Variants in N4BP2 observed in about 807,000 individuals in gnomAD.
The protein encoded by N4BP2 is NEDD4 binding protein 2.
In N4BP2, 91 loss-of-function variants were observed where a neutral mutation model predicts 152.8. That is an observed-to-expected ratio of 0.60 (90% CI 0.50 to 0.71). The LOEUF is 0.71. Ranked by LOEUF, N4BP2 falls within the 30% of genes least tolerant of loss-of-function variation. N4BP2 has a pLI of 0.00. For synonymous variants in N4BP2, 646 were observed against 705.3 expected (o/e 0.92, Z 1.33); for missense variants, 1,923 against 2,059.1 (o/e 0.93, Z 1.28).
chr4:40,168,883 C>T, the N4BP2 span, among the ~76,000 whole-genome samples: 1 of 151,884 alleles, frequency 6.6e-6, no homozygotes, highest in South Asian at 2.1e-4. Context: ...CGCCACCACA[C>T]CCGGCTAATT....
intron 2 of N4BP2, among the ~76,000 whole-genome samples, chr4:40,079,913 A>G (rs966029844): frequency 6.6e-6 from 1 of 152,172 alleles, no homozygotes; most frequent in African/African-American, 2.4e-5. Flanking sequence ...TTAAAATTAT[A>G]TAATAGAGGT....
rs75313591 is a variant in N4BP2, at chr4:40,142,399, T to C, written c.4786-274T>C. 4.7e-4 allele frequency: 157 copies of C among 332,342 alleles called. No homozygotes were observed. In the East Asian group the frequency reaches 8.4e-3, roughly 18 times the overall value. 20.6% of individuals were successfully genotyped at this position (332,342 alleles called of 1,614,324 possible). On this transcript the variant is annotated intron_variant, in intron 14 of 17. Coordinates refer to ENST00000261435, the MANE Select transcript of N4BP2 (RefSeq NM_018177.6). Reference sequence around the variant, plus strand: ...TGAACTCGCCTCTTCCAACTCGGAGTTCAGTATCCCTAATTGTATTTTGAT... The same window carrying C: ...TGAACTCGCCTCTTCCAACTCGGAGCTCAGTATCCCTAATTGTATTTTGAT...
chr4:40,092,099 G>A (rs898460696), intron 2 of N4BP2, among the ~76,000 whole-genome samples: 14 of 136,350 alleles, frequency 1.0e-4, no homozygotes, highest in African/African-American at 3.8e-4. Flanking sequence ...CTGTAGTCAT[G>A]AGGAGTATTG....
intron 2 of N4BP2, among the ~76,000 whole-genome samples, chr4:40,079,361 C>T (rs942465994): frequency 1.3e-5 from 2 of 150,988 alleles, no homozygotes; most frequent in African/African-American, 2.4e-5. Context: ...AAATGATCCT[C>T]CTTCCTCGGC....
intron 6 of N4BP2, among the ~76,000 whole-genome samples, 188 bp from the exon 7 acceptor site, chr4:40,113,244 A>G (rs1279519350): frequency 6.6e-6 from 1 of 152,172 alleles, no homozygotes; most frequent in East Asian, 1.9e-4. Context: ...GCTCTTATAT[A>G]AGTATTTATC....
chr4:40,103,993 T>C (rs564580044), intron 4 of N4BP2, among the ~76,000 whole-genome samples: 34 of 152,216 alleles, frequency 2.2e-4, no homozygotes, highest in African/African-American at 8.2e-4. Context: ...CTTGCTCTGT[T>C]GCCCAGGCTG....
chr4:40,190,218 G>C, the N4BP2 span, among the ~76,000 whole-genome samples: 10 of 152,200 alleles, frequency 6.6e-5, no homozygotes, highest in African/African-American at 2.4e-4. Flanking sequence ...GTTCGCTGCT[G>C]TCTCCCTGGC....
intron 7 of N4BP2, among the ~76,000 whole-genome samples, chr4:40,116,572 T>C (rs1419329336): frequency 6.6e-6 from 1 of 152,228 alleles, no homozygotes; most frequent in Non-Finnish European, 1.5e-5. Context: ...TAAAACATTT[T>C]AATTCTGACA....
the N4BP2 span, among the ~76,000 whole-genome samples, chr4:40,170,778 C>T: frequency 6.6e-6 from 1 of 152,194 alleles, no homozygotes; most frequent in African/African-American, 2.4e-5. Context: ...TTCAATAGCT[C>T]TATCAGGTTA....
intron 1 of N4BP2, among the ~76,000 whole-genome samples, chr4:40,061,431 C>T (rs1002765237): frequency 2.6e-5 from 4 of 152,088 alleles, no homozygotes; most frequent in South Asian, 2.1e-4. Flanking sequence ...ATGGCATGAT[C>T]CCAGCTCACT....
intron 10 of N4BP2, among the ~76,000 whole-genome samples, chr4:40,123,652 A>AT (rs201141215): frequency 0.048 from 6,960 of 144,778 alleles, 443 homozygotes; most frequent in African/African-American, 0.14. Flanking sequence ...CACCTAGGTA[A>AT]TTTTTTTTTT....
chr4:40,153,529 CAAG>C (rs1721322901), intron 17 of N4BP2, among the ~76,000 whole-genome samples: 1 of 152,032 alleles, frequency 6.6e-6, no homozygotes, highest in Admixed American at 6.6e-5. Context: ...CAGAAAATGA[CAAG>C]AAAGTCAAAG....
the N4BP2 span, among the ~76,000 whole-genome samples, chr4:40,185,611 GA>G: frequency 4.5e-3 from 678 of 151,694 alleles, 1 homozygote; most frequent in Middle Eastern, 6.8e-3. Context: ...TTATTATTTG[GA>G]AAAAAACATT....
the N4BP2 span, among the ~76,000 whole-genome samples, chr4:40,173,996 C>T: frequency 6.6e-6 from 1 of 152,008 alleles, no homozygotes; most frequent in East Asian, 1.9e-4. Context: ...GAGAAAAAAA[C>T]ACTAAAACTA....
intron 14 of N4BP2, among the ~76,000 whole-genome samples, chr4:40,140,072 G>A (rs776505840): frequency 1.3e-4 from 19 of 152,000 alleles, no homozygotes; most frequent in Admixed American, 3.9e-4. Context: ...GATTACAGGC[G>A]TGAGCCACCA....
downstream of N4BP2, among the ~76,000 whole-genome samples, chr4:40,161,509 A>G (rs1384314266): frequency 1.3e-5 from 2 of 152,206 alleles, no homozygotes; most frequent in African/African-American, 4.8e-5. Context: ...AAACTTGACA[A>G]TCACACGACA....
intron 1 of N4BP2, among the ~76,000 whole-genome samples, chr4:40,071,493 T>C (rs935101021): frequency 2.7e-4 from 41 of 152,354 alleles, no homozygotes; most frequent in African/African-American, 8.7e-4. Context: ...CATTTCATTA[T>C]AAAGTTATGG....
At chr4:40,125,523 A>G (rs1044956030) in intron 11 of N4BP2, among the ~76,000 whole-genome samples, 1 of 152,224 alleles carries the variant, frequency 6.6e-6, no homozygotes, top group Non-Finnish European at 1.5e-5. Flanking sequence ...AGTGTCCTGT[A>G]TACATGTCAC....
intron 16 of N4BP2, among the ~76,000 whole-genome samples, chr4:40,148,602 GT>G (rs1478352422): frequency 6.6e-6 from 1 of 152,110 alleles, no homozygotes; most frequent in Non-Finnish European, 1.5e-5. Flanking sequence ...AGCCACATCT[GT>G]ATTGTTGCAA....
Sources: allele counts gnomAD v4.1 joint callset (sites outside exome capture counted in the v4.1 genomes callset), GRCh38; gene constraint gnomAD v4.1.1; transcripts MANE v1.5; gene names NCBI Gene and HGNC (gene_info 2026-07-23, HGNC 2026-07-21).